NRG1: variants seen among roughly 807,000 people sequenced by gnomAD.
The protein encoded by NRG1 is neuregulin 1.
NRG1 carries 18 observed loss-of-function variants against 63.8 expected under a neutral mutation model. That is an observed-to-expected ratio of 0.28 (90% confidence interval 0.19 to 0.42). The LOEUF is 0.42. Among genes scored for constraint, NRG1 ranks in the 10% least tolerant of loss-of-function variants. The probability of loss-of-function intolerance (pLI) is 1.00; values close to 1 mark genes in which losing one functional copy is unlikely to be tolerated. For synonymous variants in NRG1, 302 were observed against 301.3 expected, an observed-to-expected ratio of 1.00 and a Z score of -0.02; for missense variants, 762 against 814.7, an observed-to-expected ratio of 0.94 and a Z score of 0.79.
At chr8:31,910,327 G>A (rs1832840033) in intron 1 of NRG1, among the ~76,000 whole-genome samples, 1 of 152,170 alleles carries the variant, frequency 6.6e-6, no homozygotes, top group Non-Finnish European at 1.5e-5. Context: ...GGAGACAGAG[G>A]CGGGATCTAG....
chr8:32,365,803 AC>A (rs1208682464), intron 1 of NRG1, among the ~76,000 whole-genome samples: 1 of 152,122 alleles, frequency 6.6e-6, no homozygotes. Context: ...TAGTTTGCTC[AC>A]CCTTGGTGCA....
intron 5 of NRG1, among the ~76,000 whole-genome samples, chr8:32,723,953 A>G (rs868864477): frequency 1.3e-5 from 2 of 152,146 alleles, no homozygotes; most frequent in African/African-American, 4.8e-5. Context: ...AGCAATGATC[A>G]TTTGTCCTGA....
intron 1 of NRG1, among the ~76,000 whole-genome samples, chr8:32,284,083 T>C (rs779776064): frequency 7.2e-5 from 11 of 152,206 alleles, no homozygotes; most frequent in Non-Finnish European, 1.2e-4. Flanking sequence ...TTGATCAGCC[T>C]TTAGTTAAGC....
chr8:32,735,838 C>T (rs1373160209), intron 6 of NRG1, among the ~76,000 whole-genome samples: 6 of 152,242 alleles, frequency 3.9e-5, no homozygotes, highest in Admixed American at 2.0e-4. Context: ...CACCGCCACC[C>T]TCATTATTGG....
intron 1 of NRG1, among the ~76,000 whole-genome samples, chr8:32,223,120 A>G (rs1358605543): frequency 6.6e-6 from 1 of 152,264 alleles, no homozygotes; most frequent in African/African-American, 2.4e-5. Flanking sequence ...ATAGCAAAGA[A>G]AAAACAAGAA....
At chr8:31,745,061 G>A (rs983785029) in intron 1 of NRG1, among the ~76,000 whole-genome samples, 3 of 151,966 alleles carry the variant, frequency 2.0e-5, no homozygotes, top group Admixed American at 1.3e-4. Context: ...ATGAATTGCA[G>A]AGTTAATGCT....
chr8:32,025,646 A>G (rs1165567050), intron 1 of NRG1, among the ~76,000 whole-genome samples: 2 of 151,982 alleles, frequency 1.3e-5, no homozygotes, highest in African/African-American at 4.8e-5. Flanking sequence ...ATCAAGCTCA[A>G]TTGACTCCCT....
chr8:32,507,468 C>T (rs1828670064), intron 1 of NRG1, among the ~76,000 whole-genome samples: 1 of 152,148 alleles, frequency 6.6e-6, no homozygotes, highest in Non-Finnish European at 1.5e-5. Flanking sequence ...GGCATTTCAA[C>T]TGGAAAGTGT....
At chr8:32,331,293 C>T (rs1428766258) in intron 1 of NRG1, among the ~76,000 whole-genome samples, 2 of 148,858 alleles carry the variant, frequency 1.3e-5, no homozygotes, top group African/African-American at 5.0e-5. Context: ...CTTTGGAAGG[C>T]TGAACTCCTG....
At chr8:31,644,147 A>C (rs76047757) in intron 1 of NRG1, among the ~76,000 whole-genome samples, 2,369 of 152,330 alleles carry the variant, frequency 0.016, 30 homozygotes, top group Middle Eastern at 0.068. Flanking sequence ...AACTATTCTT[A>C]ATAAAAGCTA....
At chr8:31,805,786 C>A (rs1822212041) in intron 1 of NRG1, among the ~76,000 whole-genome samples, 1 of 142,704 alleles carries the variant, frequency 7.0e-6, no homozygotes. Flanking sequence ...CGAGATTGCG[C>A]CAGGGCACTC....
At chr8:31,813,516 C>CTTTTCTTTTTT in intron 1 of NRG1, among the ~76,000 whole-genome samples, 14 of 101,204 alleles carry the variant, frequency 1.4e-4, no homozygotes, top group South Asian at 3.5e-4. Flanking sequence ...CTTTTCTTTT[C>CTTTTCTTTTTT]TTTTTTTTTT....
At chr8:32,168,803 G>A (rs1563863809) in intron 1 of NRG1, among the ~76,000 whole-genome samples, 1 of 151,870 alleles carries the variant, frequency 6.6e-6, no homozygotes, top group African/African-American at 2.4e-5. Context: ...CCCTTCCTAG[G>A]CCCCCTTATT....
chr8:32,143,858 T>C (rs1836566369), intron 1 of NRG1, among the ~76,000 whole-genome samples: 1 of 152,206 alleles, frequency 6.6e-6, no homozygotes, highest in Admixed American at 6.5e-5. Flanking sequence ...GAAGCAGTGG[T>C]AGTTTGGTGA....
chr8:31,670,162 T>C (rs1416482840), intron 1 of NRG1, among the ~76,000 whole-genome samples: 1 of 152,208 alleles, frequency 6.6e-6, no homozygotes, highest in Non-Finnish European at 1.5e-5. Flanking sequence ...TCTTTTTCTC[T>C]CAAAGCTCTG....
chr8:32,764,524 T>C (rs1831266355), exon 12 of NRG1: 1 of 919,558 alleles, frequency 1.1e-6, no homozygotes, highest in African/African-American at 1.7e-5. Flanking sequence ...GGAAAAAAAC[T>C]TTTATAAATT....
chr8:32,769,325 C>T (rs1453197489), downstream of NRG1, among the ~76,000 whole-genome samples: 5 of 152,014 alleles, frequency 3.3e-5, no homozygotes, highest in Non-Finnish European at 7.4e-5. Context: ...AGTGAAGACT[C>T]GCAGCCAGAT....
intron 1 of NRG1, among the ~76,000 whole-genome samples, chr8:32,129,523 A>G (rs1359664623): frequency 6.6e-6 from 1 of 151,940 alleles, no homozygotes. Context: ...ATTAGAGCCT[A>G]TCCTAATGGC....
intron 1 of NRG1, among the ~76,000 whole-genome samples, chr8:32,466,580 G>T (rs1201174109): frequency 6.6e-6 from 1 of 152,110 alleles, no homozygotes; most frequent in African/African-American, 2.4e-5. Flanking sequence ...ACTTTACACT[G>T]GTGTAATAAT....
Sources: gnomAD v4.1 joint callset for allele counts (sites outside exome capture counted in the v4.1 genomes callset) on GRCh38, gnomAD v4.1.1 for gene constraint, MANE v1.5 for transcripts, NCBI Gene and HGNC (gene_info 2026-07-23, HGNC 2026-07-21) for gene names.